NDC1: variants seen among roughly 807,000 people sequenced by gnomAD.
NDC1 encodes the protein nucleoporin NDC1.
Under a neutral mutation model 89.8 loss-of-function variants are expected in NDC1, and 24 were observed. That is an observed-to-expected ratio of 0.27 (90% CI 0.19 to 0.38). The LOEUF is 0.38. Ranked by LOEUF, NDC1 falls within the 10% of genes least tolerant of loss-of-function variation. The probability of loss-of-function intolerance (pLI) is 1.00; values close to 1 mark genes in which losing one functional copy is unlikely to be tolerated. For missense variants in NDC1, 728 were observed against 797.6 expected (o/e 0.91, Z 1.05); for synonymous variants, 296 against 284.8 (o/e 1.04, Z -0.39).
intron 6 of NDC1, among the ~76,000 whole-genome samples, chr1:53,814,149 C>T (rs748761677): frequency 5.3e-5 from 8 of 152,012 alleles, no homozygotes; most frequent in Non-Finnish European, 1.2e-4. Flanking sequence ...GTCAGGAGAT[C>T]GAGACCATCC....
At chr1:53,795,932 T>C (rs1213863542) in intron 13 of NDC1, among the ~76,000 whole-genome samples, 1 of 152,222 alleles carries the variant, frequency 6.6e-6, no homozygotes. Flanking sequence ...GCCTGCTACC[T>C]TTCTGATCTT....
chr1:53,789,181 T>C lies in NDC1; in HGVS notation c.1651A>G (p.Ile551Val). 1 of 1,610,290 alleles carries C rather than the reference T, an allele frequency of 6.2e-7. No individual in the cohort carries two copies. The highest frequency in any genetic ancestry group is 8.5e-7 in the Non-Finnish European group (1 of 1,177,728). The change falls in exon 15 of 18, where the codon ATT (isoleucine) becomes GTT (valine). Residue 551 changes from isoleucine to valine, a missense_variant. Coordinates refer to ENST00000371429, the MANE Select transcript of NDC1 (RefSeq NM_018087.5). ...TGGGCATCTGAAAAAACAGCCTGAA[T>C]GGAGGCCTCTGGGTGCTACAAATAA... is the stretch of plus-strand genomic sequence containing the variant. ...YFFSKHPEAS[I>V]QAVFSDAQMH...
intron 4 of NDC1, among the ~76,000 whole-genome samples, chr1:53,827,746 T>C (rs1191777268): frequency 6.6e-6 from 1 of 152,238 alleles, no homozygotes; most frequent in Non-Finnish European, 1.5e-5. Flanking sequence ...ATTTCTCTAT[T>C]GTTCTCAACT....
At chr1:53,784,802 A>C (rs976839131) in intron 16 of NDC1, among the ~76,000 whole-genome samples, 1 of 151,598 alleles carries the variant, frequency 6.6e-6, no homozygotes, top group Admixed American at 6.6e-5. Context: ...AAAAAAAAAA[A>C]CATAAATCAG....
chr1:53,786,683 C>T (rs897678313), intron 16 of NDC1, among the ~76,000 whole-genome samples: 3 of 152,084 alleles, frequency 2.0e-5, no homozygotes, highest in Non-Finnish European at 4.4e-5. Flanking sequence ...GTTTTCTCTT[C>T]CAAACTATCT....
intron 3 of NDC1, among the ~76,000 whole-genome samples, chr1:53,831,882 T>G (rs1232203069): frequency 1.3e-5 from 2 of 150,894 alleles, no homozygotes; most frequent in Non-Finnish European, 1.5e-5. Flanking sequence ...AAAACATAAG[T>G]TTTTTTTTAA....
rs945670801 is a variant in NDC1 at position 53,832,701 on chromosome 1, T to G, written c.179-110A>C. On this transcript the variant is annotated intron_variant, in intron 2 of 17. Coordinates refer to ENST00000371429, the MANE Select transcript of NDC1 (RefSeq NM_018087.5). ...CCACAATTGTCATTAATTTTAAAGG[T>G]TATCTTTTCTTCAAGAATTTAATTG... The G allele has an allele frequency of 8.2e-6, 5 of 606,274 alleles. No homozygotes were observed. The African/African-American group carries it at 9.4e-5, about 11-fold the overall frequency. 37.6% of individuals were successfully genotyped at this position (606,274 alleles called of 1,614,324 possible).
intron 14 of NDC1, among the ~76,000 whole-genome samples, chr1:53,790,802 C>T (rs991939780): frequency 1.3e-5 from 2 of 152,152 alleles, no homozygotes; most frequent in African/African-American, 2.4e-5. Flanking sequence ...AAAGAAAAAC[C>T]GCCTAACCTT....
At chr1:53,773,688 C>T (rs1484569710) in intron 16 of NDC1, among the ~76,000 whole-genome samples, 1 of 152,168 alleles carries the variant, frequency 6.6e-6, no homozygotes, top group African/African-American at 2.4e-5. Context: ...GGTCTTTCTT[C>T]TTGGACTGGT....
chr1:53,826,337 A>C (rs1184279070), intron 4 of NDC1, among the ~76,000 whole-genome samples: 1 of 152,198 alleles, frequency 6.6e-6, no homozygotes. Context: ...GTGCCCATAA[A>C]ATTGCTACAA....
intron 1 of NDC1, among the ~76,000 whole-genome samples, chr1:53,836,775 T>A (rs948672928): frequency 1.3e-5 from 2 of 152,086 alleles, no homozygotes; most frequent in Admixed American, 6.6e-5. Context: ...CAGCCTCCTA[T>A]CCCACATTCT....
chr1:53,809,699 C>T lies in NDC1; in HGVS notation c.751G>A (p.Asp251Asn). 6.2e-7 allele frequency: 1 copy of T among 1,606,448 alleles called. No individual in the cohort carries two copies. The highest frequency in any genetic ancestry group is 8.5e-7 in the Non-Finnish European group (1 of 1,173,668). The change falls in exon 7 of 18, where the codon GAT becomes AAT. Residue 251 changes from aspartate (D) to asparagine (N), a missense_variant. Asp to Asn is a conservative substitution (Grantham distance 23). Coordinates refer to ENST00000371429, the MANE Select transcript of NDC1 (RefSeq NM_018087.5). ...GACTTTTTAGGTATCACTTACTCAT[C>T]TATGTGAAGGTTCATAGCAGTGCTA... ...WISTAMNLHIDEQVHRPLDTV... is the reference protein window; with the variant it reads ...WISTAMNLHINEQVHRPLDTV...
chr1:53,830,908 G>A (rs149126676), intron 3 of NDC1, among the ~76,000 whole-genome samples: 348 of 148,976 alleles, frequency 2.3e-3, no homozygotes, highest in Non-Finnish European at 4.2e-3. Flanking sequence ...TGATCCTACC[G>A]CATCTGTTTC....
intron 4 of NDC1, among the ~76,000 whole-genome samples, chr1:53,826,938 T>C (rs1475679473): frequency 6.6e-6 from 1 of 152,202 alleles, no homozygotes; most frequent in Admixed American, 6.5e-5. Context: ...AACTTGTAGC[T>C]TACTGCTGCC....
Position 53,832,616 on chromosome 1 carries a change from G to A in NDC1, c.179-25C>T, listed in dbSNP as rs772829971. ...TCTAAAACACAAGAGAGATGAATTA[G>A]TAAAGGTTATTCAGTCATGTAGTCA... On this transcript the variant is annotated intron_variant, in intron 2 of 17. Transcript: ENST00000371429. 1.1e-5 allele frequency: 13 copies of A among 1,237,394 alleles called. No homozygotes were observed. In the African/African-American group the frequency reaches 1.6e-4, roughly 16 times the overall value. 76.7% of individuals were successfully genotyped at this position (1,237,394 alleles called of 1,614,324 possible).
chr1:53,830,006 ACGGG>A (rs1277229038), intron 3 of NDC1, among the ~76,000 whole-genome samples: 2 of 151,440 alleles, frequency 1.3e-5, no homozygotes, highest in East Asian at 3.9e-4. Flanking sequence ...CAAAAAATAG[ACGGG>A]CGAGGTGGCA....
intron 4 of NDC1, 26 bp downstream of exon 4, chr1:53,827,973 C>T (rs1307856319): frequency 6.5e-7 from 1 of 1,541,706 alleles, no homozygotes; most frequent in African/African-American, 1.4e-5. Context: ...AATGAGATTC[C>T]TAAGGAAATA....
intron 6 of NDC1, among the ~76,000 whole-genome samples, chr1:53,818,025 AT>A (rs1384922268): frequency 1.8e-4 from 27 of 152,222 alleles, no homozygotes; most frequent in African/African-American, 6.5e-4. Flanking sequence ...GTTACAAATT[AT>A]AAAAAGGAGG....
chr1:53,798,495 T>A (rs1481961346), intron 11 of NDC1, among the ~76,000 whole-genome samples: 2 of 150,904 alleles, frequency 1.3e-5, no homozygotes, highest in East Asian at 3.9e-4. Context: ...AAAACCACCA[T>A]AAGAAATATA....
Sources: allele counts gnomAD v4.1 joint callset (sites outside exome capture counted in the v4.1 genomes callset), GRCh38; gene constraint gnomAD v4.1.1; transcripts MANE v1.5; gene names NCBI Gene and HGNC (gene_info 2026-07-23, HGNC 2026-07-21).